Variants in RABL6 observed in about 807,000 individuals in gnomAD.
RABL6 encodes the protein rab-like protein 6.
Under a neutral mutation model 72.9 loss-of-function variants are expected in RABL6, and 28 were observed. That is an observed-to-expected ratio of 0.38 (90% CI 0.28 to 0.53). RABL6 has a LOEUF of 0.53. RABL6 is among the 20% of genes least tolerant of loss of function. RABL6 has a pLI of 0.80. For missense variants in RABL6, 1,029 were observed against 1,008.4 expected, an observed-to-expected ratio of 1.02 and a Z score of -0.28; for synonymous variants, 477 against 421.2, an observed-to-expected ratio of 1.13 and a Z score of -1.62.
chr9:136,841,017 G>A lies in RABL6; in HGVS notation c.*495G>A. On this transcript the variant is annotated 3_prime_UTR_variant, in exon 15 of 15. Transcript: ENST00000311502. ...AAAGGGCGGCCCAGGCCCCACGCTA[G>A]AAGGCTGGCGAGACCGAAGGCAGCA... 7.0e-7 allele frequency: 1 copy of A among 1,434,794 alleles called. No homozygotes were observed. Among genetic ancestry groups the A allele is most frequent in the South Asian group, 1.5e-5 (1 of 66,146 alleles). The allele number at this position is 1,434,794 out of a possible 1,614,324, so 88.9% of individuals were successfully genotyped here.
chr9:136,811,194 G>A (rs987136994), intron 1 of RABL6, among the ~76,000 whole-genome samples: 3 of 152,180 alleles, frequency 2.0e-5, no homozygotes, highest in South Asian at 2.1e-4. Flanking sequence ...CAAGGTGGAG[G>A]GCACAGCTTG....
chr9:136,830,441 C>T (rs1848448714), intron 5 of RABL6, among the ~76,000 whole-genome samples: 1 of 152,252 alleles, frequency 6.6e-6, no homozygotes, highest in Admixed American at 6.5e-5. Flanking sequence ...CAGGAGAGCC[C>T]TCGGTGGGGG....
At chr9:136,813,535 C>A in intron 1 of RABL6, 1 of 424,390 alleles carries the variant, frequency 2.4e-6, no homozygotes, top group Non-Finnish European at 4.3e-6. Flanking sequence ...TCTGCATTAG[C>A]TTCTGTCTTA....
At chr9:136,817,952 C>A (rs1032751228) in intron 1 of RABL6, among the ~76,000 whole-genome samples, 14 of 151,156 alleles carry the variant, frequency 9.3e-5, no homozygotes, top group Non-Finnish European at 2.1e-4. Flanking sequence ...ATCCCAGCTA[C>A]TCAGGAGGCC....
chr9:136,810,007 C>G (rs1171641919), intron 1 of RABL6: 1 of 152,166 alleles, frequency 6.6e-6, no homozygotes, highest in Non-Finnish European at 1.5e-5. Context: ...TAAAGTGGTG[C>G]ATTTTGAATA....
chr9:136,821,512 C>A, intron 1 of RABL6: 1 of 985,370 alleles, frequency 1.0e-6, no homozygotes, highest in East Asian at 1.1e-4. Flanking sequence ...CGAGGCTATG[C>A]GTGCGCGGCC....
intron 1 of RABL6, among the ~76,000 whole-genome samples, chr9:136,810,603 G>A (rs1183118494): frequency 6.6e-6 from 1 of 152,062 alleles, no homozygotes; most frequent in East Asian, 1.9e-4. Flanking sequence ...GTGCAGTGGC[G>A]TGATCTCAGC....
At chr9:136,812,067 T>G (rs1293032141) in intron 1 of RABL6, among the ~76,000 whole-genome samples, 2 of 152,238 alleles carry the variant, frequency 1.3e-5, no homozygotes, top group Non-Finnish European at 1.5e-5. Context: ...TTGAAATTAT[T>G]TGGAAGAAAG....
At chr9:136,829,900 G>A (rs1295816101) in intron 5 of RABL6, among the ~76,000 whole-genome samples, 1 of 152,234 alleles carries the variant, frequency 6.6e-6, no homozygotes, top group Non-Finnish European at 1.5e-5. Flanking sequence ...TCAGCTAAGG[G>A]CAGTGGCACA....
intron 7 of RABL6, chr9:136,834,217 A>C (rs1465418763): frequency 8.3e-7 from 1 of 1,211,310 alleles, no homozygotes; most frequent in Non-Finnish European, 1.0e-6. Context: ...CTCTAAAAAA[A>C]TCAGTTGTTT....
In RABL6 at chr9:136,834,692, C is replaced by T. The variant is rs189403311; in HGVS notation, c.706-1050C>T. On this transcript the variant is annotated intron_variant, in intron 7 of 14. Transcript: ENST00000311502. ...CGGGGTTTTGCCATATTGGCCAGGA[C>T]GGTCTCGATCTCTTGACCTCGTGAT... is the stretch of plus-strand genomic sequence containing the variant. Among the ~76,000 whole-genome samples, 314 of 152,160 alleles carry T rather than the reference C, an allele frequency of 2.1e-3. 1 individual carries two copies. The highest frequency in any genetic ancestry group is 0.01 in the Middle Eastern group (3 of 294).
At position 136,807,964 on chromosome 9, in the gene RABL6, T is replaced by G. The variant is rs1376482219; in HGVS notation, c.-233T>G. ...CCGGCGCCAAGATGGCGGCGCTGAC[T>G]CCTGGAGAGCGGTCGCGCCGGAGGC... On this transcript the variant is annotated 5_prime_UTR_variant, in exon 1 of 15. Coordinates refer to ENST00000311502, the MANE Select transcript of RABL6 (RefSeq NM_024718.5). 1 of 1,002,056 alleles carries G rather than the reference T, an allele frequency of 1.0e-6. No homozygotes were observed. The highest frequency in any genetic ancestry group is 1.2e-6 in the Non-Finnish European group (1 of 842,766). The allele number at this position is 1,002,056 out of a possible 1,614,324, so 62.1% of individuals were successfully genotyped here. A position where few individuals can be genotyped will look rare whatever the true frequency, so the allele number is the denominator to read the frequency against.
intron 1 of RABL6, chr9:136,809,302 G>A (rs2131149370): frequency 5.6e-6 from 1 of 177,110 alleles, no homozygotes; most frequent in Admixed American, 6.5e-5. Context: ...ACGGAGAGAG[G>A]CCGTAGTTCC....
At chr9:136,821,654 C>T (rs1323238207) in intron 1 of RABL6, 2 of 989,488 alleles carry the variant, frequency 2.0e-6, no homozygotes, top group African/African-American at 3.5e-5. Flanking sequence ...CGGCCCGTCT[C>T]GGGCCTCCCG....
chr9:136,823,508 T>C lies in RABL6; in HGVS notation c.131-17T>C, dbSNP rs771796482. On this transcript the variant is annotated splice_polypyrimidine_tract_variant and intron_variant, in intron 1 of 14. Transcript: ENST00000311502. ...GTTCGTTTAATTTGCCTTTTCTTTT[T>C]CTCTTCCCGTCCCCAGTGAAGATAG... 2 of 1,612,686 alleles carry C rather than the reference T, an allele frequency of 1.2e-6. No individual in the cohort carries two copies. Among genetic ancestry groups the C allele is most frequent in the African/African-American group, 1.3e-5 (1 of 74,928 alleles).
intron 1 of RABL6, chr9:136,812,905 T>TC: frequency 2.8e-6 from 1 of 352,750 alleles, no homozygotes; most frequent in Non-Finnish European, 5.6e-6. Context: ...TTCCTCTACC[T>TC]CCATCACAAC....
chr9:136,833,298 C>T, intron 7 of RABL6: 1 of 325,460 alleles, frequency 3.1e-6, no homozygotes, highest in South Asian at 2.2e-5. Flanking sequence ...CCTCCTCGCC[C>T]TGGGCTGCCC....
At position 136,840,487 on chromosome 9, in the gene RABL6, C is replaced by T. The variant is rs769898911; in HGVS notation, c.2155C>T (p.Arg719Cys). The part of the protein sequence containing the change: ...AFLGGGAPGG[R>C]HPGGGDYEEL ...CCTGGGGGGCGGGGCCCCGGGCGGC[C>T]GCCACCCTGGGGGTGGCGACTACGA... is the stretch of plus-strand genomic sequence containing the variant. Residue 719 changes from arginine to cysteine, a missense_variant, in exon 15 of 15, where the codon CGC (arginine) becomes TGC (cysteine). Coordinates refer to ENST00000311502, the MANE Select transcript of RABL6 (RefSeq NM_024718.5). 2.4e-5 allele frequency: 36 copies of T among 1,524,442 alleles called. No individual in the cohort carries two copies. Among genetic ancestry groups the T allele is most frequent in the Middle Eastern group, 2.2e-4 (1 of 4,628 alleles). The allele number at this position is 1,524,442 out of a possible 1,614,324, so 94.4% of individuals were successfully genotyped here.
intron 7 of RABL6, among the ~76,000 whole-genome samples, chr9:136,834,687 C>T (rs1229849963): frequency 6.6e-6 from 1 of 152,062 alleles, no homozygotes; most frequent in Non-Finnish European, 1.5e-5. Context: ...CCATATTGGC[C>T]AGGACGGTCT....
Sources: gnomAD v4.1 joint callset for allele counts (sites outside exome capture counted in the v4.1 genomes callset) on GRCh38, gnomAD v4.1.1 for gene constraint, MANE v1.5 for transcripts, NCBI Gene and HGNC (gene_info 2026-07-23, HGNC 2026-07-21) for gene names.